ABI1: variants seen among roughly 807,000 people sequenced by gnomAD.
The protein encoded by ABI1 is abl interactor 1.
ABI1 carries 14 observed loss-of-function variants against 54.6 expected under a neutral mutation model. The observed-to-expected ratio is 0.26, with a 90% confidence interval of 0.17 to 0.40. The LOEUF (loss-of-function observed/expected upper bound fraction) is 0.40. Among genes scored for constraint, ABI1 ranks in the 10% least tolerant of loss-of-function variants. ABI1 has a pLI of 1.00. For missense variants in ABI1, 443 were observed against 598.3 expected, an observed-to-expected ratio of 0.74 and a Z score of 2.71; for synonymous variants, 194 against 209.3, an observed-to-expected ratio of 0.93 and a Z score of 0.63.
chr10:26,795,151 A>AC (rs999261747), intron 2 of ABI1, among the ~76,000 whole-genome samples: 1 of 151,950 alleles, frequency 6.6e-6, no homozygotes, highest in Non-Finnish European at 1.5e-5. Flanking sequence ...CAAAAAAAAA[A>AC]AAAAACCAAA....
In ABI1 at chr10:26,777,106, T is replaced by C. The variant is rs1047395760; in HGVS notation, c.421A>G (p.Ile141Val). The C allele has an allele frequency of 3.7e-6, 6 of 1,613,152 alleles. No individual in the cohort carries two copies. Among genetic ancestry groups the C allele is most frequent in the Non-Finnish European group, 5.1e-6 (6 of 1,179,710 alleles). The change falls in exon 3 of 11, where the codon ATC becomes GTC. Residue 141 changes from isoleucine to valine, a missense_variant. Transcript: ENST00000376140. Reference protein sequence around the residue: ...ERPVRYIRKPIDYTVLDDVGH... With the variant: ...ERPVRYIRKPVDYTVLDDVGH... ...ACATCATCCAGAACTGTGTAATCGA[T>C]AGGTTTCCGAATATACCTTACAGGG...
In ABI1 at chr10:26,783,752, C is replaced by T. The variant is rs529506707; in HGVS notation, c.286-6511G>A. Among the ~76,000 whole-genome samples, 23 of 152,312 alleles carry T rather than the reference C, an allele frequency of 1.5e-4. No homozygotes were observed. In the South Asian group the frequency reaches 3.5e-3, roughly 23 times the overall value. ...TTCAGGTTCAGCCACCTGGAATTGA[C>T]GATCTGGATTTTCTTGCTGGATTTC... On this transcript the variant is annotated intron_variant, in intron 2 of 10. Coordinates refer to ENST00000376140, the MANE Select transcript of ABI1 (RefSeq NM_001012750.3).
intron 2 of ABI1, among the ~76,000 whole-genome samples, chr10:26,790,350 A>T (rs982050718): frequency 3.9e-5 from 6 of 152,026 alleles, no homozygotes. Flanking sequence ...ATGGTAGCTC[A>T]TTGTGGTTTT....
intron 2 of ABI1, among the ~76,000 whole-genome samples, chr10:26,810,417 AT>A (rs1303208680): frequency 1.3e-5 from 2 of 152,318 alleles, no homozygotes; most frequent in South Asian, 2.1e-4. Flanking sequence ...TTAAAAAAAA[AT>A]GTTACTTACT....
In ABI1 at chr10:26,829,001, C is replaced by T. The variant is rs183795013; in HGVS notation, c.118-5696G>A. On this transcript the variant is annotated intron_variant, in intron 1 of 10. Transcript: ENST00000376140. ...CAGCACTTTGGGAGGCCAAGGCGGG[C>T]GGATCACGAGCTCAGGAGATCGAGA... Among the ~76,000 whole-genome samples, 1,375 of 151,628 alleles carry T rather than the reference C, an allele frequency of 9.1e-3. 18 individuals are homozygous for T. Among genetic ancestry groups the T allele is most frequent in the African/African-American group, 0.028 (1,159 of 41,318 alleles).
chr10:26,785,204 A>C lies in ABI1; in HGVS notation c.286-7963T>G, dbSNP rs537815190. ...AATCATGGGAAAGAAATCTTACCAG[A>C]AGCCAAGAAGGTATAGAAATGAAGG... is the stretch of plus-strand genomic sequence containing the variant. On this transcript the variant is annotated intron_variant, in intron 2 of 10. Transcript: ENST00000376140. Among the ~76,000 whole-genome samples, 110 of 152,356 alleles carry C rather than the reference A, an allele frequency of 7.2e-4. 1 individual carries two copies. The highest frequency in any genetic ancestry group is 2.5e-3 in the African/African-American group (103 of 41,584).
intron 2 of ABI1, among the ~76,000 whole-genome samples, chr10:26,812,240 G>A (rs1303570782): frequency 6.6e-6 from 1 of 152,036 alleles, no homozygotes; most frequent in African/African-American, 2.4e-5. Context: ...CAGGGATTAG[G>A]GATATCTTTT....
intron 1 of ABI1, among the ~76,000 whole-genome samples, chr10:26,856,006 G>T (rs1246647621): frequency 6.7e-6 from 1 of 149,214 alleles, no homozygotes. Flanking sequence ...CCCATTCTGG[G>T]CTGGGCATGG....
chr10:26,808,068 G>A (rs1269808135), intron 2 of ABI1, among the ~76,000 whole-genome samples: 2 of 152,036 alleles, frequency 1.3e-5, no homozygotes, highest in African/African-American at 2.4e-5. Context: ...CTCCAGCCTG[G>A]GCGTCACGAG....
intron 7 of ABI1, among the ~76,000 whole-genome samples, chr10:26,762,880 ATAAAT>A (rs1309335001): frequency 6.6e-6 from 1 of 152,220 alleles, no homozygotes; most frequent in Non-Finnish European, 1.5e-5. Flanking sequence ...CTAGGTATCA[ATAAAT>A]TACTTTCTGA....
chr10:26,820,910 C>A (rs1232674024), intron 2 of ABI1, among the ~76,000 whole-genome samples: 2 of 151,868 alleles, frequency 1.3e-5, no homozygotes, highest in African/African-American at 4.8e-5. Context: ...GATTAAGGGT[C>A]TCAAGTAAAT....
At chr10:26,765,657 G>A (rs921335158) in intron 6 of ABI1, among the ~76,000 whole-genome samples, 2 of 149,640 alleles carry the variant, frequency 1.3e-5, no homozygotes, top group African/African-American at 4.9e-5. Context: ...GGAAGGGAAA[G>A]GAGAGAGGGA....
intron 8 of ABI1, among the ~76,000 whole-genome samples, chr10:26,756,517 C>A (rs527676599): frequency 1.8e-4 from 27 of 152,214 alleles, no homozygotes; most frequent in African/African-American, 4.6e-4. Context: ...TAGTTCTTTG[C>A]ATTAAAGTAA....
chr10:26,858,177 T>C (rs1173358097), intron 1 of ABI1, among the ~76,000 whole-genome samples: 1 of 152,168 alleles, frequency 6.6e-6, no homozygotes, highest in Non-Finnish European at 1.5e-5. Flanking sequence ...AGAAGAGATA[T>C]ATATTTAGGA....
intron 1 of ABI1, among the ~76,000 whole-genome samples, chr10:26,829,042 C>T (rs537523189): frequency 7.9e-5 from 12 of 151,752 alleles, no homozygotes; most frequent in East Asian, 3.9e-4. Flanking sequence ...CTGGCTAACA[C>T]GGTGAAACCC....
At chr10:26,816,727 A>G (rs11015308) in intron 2 of ABI1, among the ~76,000 whole-genome samples, 13,442 of 152,236 alleles carry the variant, frequency 0.088, 616 homozygotes, top group South Asian at 0.11. Flanking sequence ...CTATTCATTT[A>G]TAACAAAAAG....
At chr10:26,830,302 GTAAGT>G (rs979440130) in intron 1 of ABI1, among the ~76,000 whole-genome samples, 34 of 152,108 alleles carry the variant, frequency 2.2e-4, no homozygotes, top group African/African-American at 8.2e-4. Flanking sequence ...GAGTCACATG[GTAAGT>G]TAAGTGTATA....
chr10:26,826,884 C>T (rs185535638), intron 1 of ABI1, among the ~76,000 whole-genome samples: 64 of 151,852 alleles, frequency 4.2e-4, no homozygotes, highest in Admixed American at 5.9e-4. Context: ...TAGGCTTTGG[C>T]TTAAGGGAAT....
chr10:26,835,588 A>G (rs2049011685), intron 1 of ABI1, among the ~76,000 whole-genome samples: 1 of 150,628 alleles, frequency 6.6e-6, no homozygotes, highest in Admixed American at 6.6e-5. Flanking sequence ...AGGAAAAAAA[A>G]AAAATTATTC....
Sources: gnomAD v4.1 joint callset for allele counts (sites outside exome capture counted in the v4.1 genomes callset) on GRCh38, gnomAD v4.1.1 for gene constraint, MANE v1.5 for transcripts, NCBI Gene and HGNC (gene_info 2026-07-23, HGNC 2026-07-21) for gene names.